The following ZBTB44 variants were observed in gnomAD, a reference collection of about 807,000 sequenced individuals.
ZBTB44 encodes the protein zinc finger and BTB domain containing 44.
In ZBTB44, 15 loss-of-function variants were observed where a neutral mutation model predicts 54.0. That is an observed-to-expected ratio of 0.28 (90% CI 0.19 to 0.43). The LOEUF (loss-of-function observed/expected upper bound fraction) is 0.43, where lower values mean the gene tolerates loss of function less well. Ranked by LOEUF, ZBTB44 falls within the 20% of genes least tolerant of loss-of-function variation. The pLI is 1.00. For missense variants in ZBTB44, 487 were observed against 707.1 expected (o/e 0.69, Z 3.53); for synonymous variants, 230 against 250.1 (o/e 0.92, Z 0.76).
chr11:130,262,546 ATAGT>A lies in ZBTB44; in HGVS notation c.-56-621_-56-618del, dbSNP rs573190576. Among the ~76,000 whole-genome samples the A allele has an allele frequency of 1.8e-3, 273 of 152,318 alleles. 5 individuals carry two copies. The South Asian group carries it at 0.034, about 19-fold the overall frequency. ...CAGTATTTGAAATGCTTCACATTTAATAGTTAGTTGATTGTCATCATATCTCTAT... is the reference window on the plus strand; with the variant it reads ...CAGTATTTGAAATGCTTCACATTTAATAGTTGATTGTCATCATATCTCTAT... On this transcript the variant is annotated intron_variant, in intron 1 of 7. Transcript: ENST00000357899.
intron 1 of ZBTB44, among the ~76,000 whole-genome samples, chr11:130,277,300 G>A (rs1187448423): frequency 1.3e-5 from 2 of 152,134 alleles, no homozygotes; most frequent in South Asian, 2.1e-4. Context: ...AGTTGCTCAA[G>A]GTTTTAGAAT....
At chr11:130,258,566 C>T (rs605260) in intron 2 of ZBTB44, among the ~76,000 whole-genome samples, 118,450 of 152,072 alleles carry the variant, frequency 0.78, 46,436 homozygotes, top group Admixed American at 0.82. Context: ...GTGGCAGACA[C>T]TGCTAGTTGC....
intron 1 of ZBTB44, among the ~76,000 whole-genome samples, chr11:130,280,030 C>A (rs1375335143): frequency 6.6e-6 from 1 of 152,126 alleles, no homozygotes; most frequent in Middle Eastern, 3.2e-3. Context: ...GGACAGCAAC[C>A]TGAAGACTTC....
In ZBTB44 at chr11:130,259,588, T is replaced by C. The variant is rs540136665; in HGVS notation, c.1018+1268A>G. Among the ~76,000 whole-genome samples, 5 of 152,152 alleles carry C rather than the reference T, an allele frequency of 3.3e-5. No homozygotes were observed. The South Asian group carries it at 8.3e-4, about 25-fold the overall frequency. On this transcript the variant is annotated intron_variant, in intron 2 of 7. Coordinates refer to ENST00000357899, the MANE Select transcript of ZBTB44 (RefSeq NM_001301098.2). ...TCAATAATAGATTGGATAAAGAAAA[T>C]GTGGCACATGTACACCATGAAATAC...
At position 130,230,732 on chromosome 11, in the gene ZBTB44, TAA is replaced by T. The variant is rs1341617136; in HGVS notation, c.*1030_*1031del. On this transcript the variant is annotated 3_prime_UTR_variant, in exon 8 of 8. Transcript: ENST00000357899. Reference sequence around the variant, plus strand: ...ATATAAAACTTAAAATGCCAAAAAATAAAGACCAATATTAATCTCTTTATTTC... The same window carrying T: ...ATATAAAACTTAAAATGCCAAAAAATAGACCAATATTAATCTCTTTATTTC... 6.6e-6 allele frequency: 1 copy of T among 151,996 alleles called. No individual in the cohort carries two copies. Among genetic ancestry groups the T allele is most frequent in the Non-Finnish European group, 1.5e-5 (1 of 67,926 alleles). 9.4% of individuals were successfully genotyped at this position (151,996 alleles called of 1,614,324 possible).
intron 1 of ZBTB44, among the ~76,000 whole-genome samples, chr11:130,287,357 T>A (rs1335115216): frequency 2.0e-5 from 3 of 152,232 alleles, no homozygotes; most frequent in Non-Finnish European, 4.4e-5. Context: ...GTGTTAACTA[T>A]GCCTATTACC....
At chr11:130,260,361 A>T (rs371196192) in intron 2 of ZBTB44, among the ~76,000 whole-genome samples, 1 of 152,300 alleles carries the variant, frequency 6.6e-6, no homozygotes, top group East Asian at 1.9e-4. Flanking sequence ...GACCCACTCA[A>T]ACATATAGTG....
At chr11:130,284,268 A>G (rs1940768069) in intron 1 of ZBTB44, among the ~76,000 whole-genome samples, 1 of 152,240 alleles carries the variant, frequency 6.6e-6, no homozygotes, top group Non-Finnish European at 1.5e-5. Flanking sequence ...CTCATAGGCA[A>G]TACGGACAAA....
chr11:130,306,184 A>G (rs1045027792), intron 1 of ZBTB44, among the ~76,000 whole-genome samples: 3 of 152,186 alleles, frequency 2.0e-5, no homozygotes, highest in Non-Finnish European at 4.4e-5. Context: ...AACCACTATG[A>G]AAAACAGTAT....
At chr11:130,232,198 A>G (rs1953901164) in intron 7 of ZBTB44, 1 of 152,238 alleles carries the variant, frequency 6.6e-6, no homozygotes, top group Admixed American at 6.5e-5. Context: ...AAATCACTAT[A>G]ATTAAAAATA....
intron 2 of ZBTB44, among the ~76,000 whole-genome samples, chr11:130,240,186 C>T (rs541547010): frequency 9.9e-4 from 150 of 151,994 alleles, no homozygotes; most frequent in Non-Finnish European, 1.9e-3. Flanking sequence ...GGACTACGGG[C>T]GCCCGACACC....
rs1592098241 is a variant in ZBTB44 at position 130,314,389 on chromosome 11, G to C, written c.-71C>G. On this transcript the variant is annotated 5_prime_UTR_variant, in exon 1 of 8. Transcript: ENST00000357899. Reference sequence around the variant, plus strand: ...CTCCCCGTTACCTGCGGGCGGCGGCGCCGGGCCCGGAGGCCTGCTGCTCCT... The same window carrying C: ...CTCCCCGTTACCTGCGGGCGGCGGCCCCGGGCCCGGAGGCCTGCTGCTCCT... The C allele has an allele frequency of 6.5e-6, 1 of 153,040 alleles. No homozygotes were observed. The highest frequency in any genetic ancestry group is 1.5e-5 in the Non-Finnish European group (1 of 68,198). The allele number at this position is 153,040 out of a possible 1,614,324, so 9.5% of individuals were successfully genotyped here. A position where few individuals can be genotyped will look rare whatever the true frequency, so the allele number is the denominator to read the frequency against.
intron 1 of ZBTB44, among the ~76,000 whole-genome samples, chr11:130,267,685 T>C (rs1352344368): frequency 6.6e-6 from 1 of 152,144 alleles, no homozygotes; most frequent in Non-Finnish European, 1.5e-5. Context: ...AGGTTTGAAC[T>C]ACTACACCTA....
At chr11:130,276,242 A>AAAAAAAAAG (rs59112840) in intron 1 of ZBTB44, among the ~76,000 whole-genome samples, 4,201 of 94,378 alleles carry the variant, frequency 0.045, 396 homozygotes, top group African/African-American at 0.12. Flanking sequence ...CAAAAAAAAA[A>AAAAAAAAAG]AAAAGAAAAA....
intron 1 of ZBTB44, among the ~76,000 whole-genome samples, chr11:130,300,296 A>T (rs1372985803): frequency 6.6e-6 from 1 of 152,154 alleles, no homozygotes; most frequent in Non-Finnish European, 1.5e-5. Context: ...ACCCTTAAAA[A>T]TGGTTATGAT....
intron 1 of ZBTB44, among the ~76,000 whole-genome samples, chr11:130,262,911 A>C (rs1938981056): frequency 6.6e-6 from 1 of 152,094 alleles, no homozygotes; most frequent in Non-Finnish European, 1.5e-5. Context: ...ACACATAAAA[A>C]TTAGGCGGGT....
At chr11:130,314,343 G>A (rs1028814639) in intron 1 of ZBTB44, 32 bp downstream of exon 1, 2 of 152,790 alleles carry the variant, frequency 1.3e-5, no homozygotes, top group East Asian at 1.9e-4. Flanking sequence ...CGTCCCCCGC[G>A]CGACCGGAGC....
At chr11:130,248,851 C>T (rs1018466152) in intron 2 of ZBTB44, among the ~76,000 whole-genome samples, 3 of 152,044 alleles carry the variant, frequency 2.0e-5, no homozygotes, top group Non-Finnish European at 4.4e-5. Flanking sequence ...GGCCTGTAAT[C>T]CCAGCACTTT....
intron 1 of ZBTB44, among the ~76,000 whole-genome samples, chr11:130,313,782 T>C (rs1177140767): frequency 1.3e-5 from 2 of 152,166 alleles, no homozygotes; most frequent in African/African-American, 2.4e-5. Context: ...AGAACTCACA[T>C]GGACGCAATT....
Sources: gnomAD v4.1 joint callset for allele counts (sites outside exome capture counted in the v4.1 genomes callset) on GRCh38, gnomAD v4.1.1 for gene constraint, MANE v1.5 for transcripts, NCBI Gene and HGNC (gene_info 2026-07-23, HGNC 2026-07-21) for gene names.